The following AMZ1 variants were observed in gnomAD, a reference collection of about 807,000 sequenced individuals.
The protein encoded by AMZ1 is archaelysin family metallopeptidase 1.
A neutral mutation model predicts 29.9 loss-of-function variants in AMZ1; 39 were observed. That is an observed-to-expected ratio of 1.30 (90% confidence interval 1.01 to 1.70). The LOEUF is 1.70. Among genes scored for constraint, AMZ1 ranks in the 40% most tolerant of loss-of-function variants. AMZ1 has a pLI of 0.00. For synonymous variants in AMZ1, 458 were observed against 304.0 expected (o/e 1.51, Z -5.27); for missense variants, 1,041 against 680.6 (o/e 1.53, Z -5.89).
Position 2,712,676 on chromosome 7 carries a change from G to C in AMZ1, c.1295G>C (p.Arg432Thr). Residue 432 changes from arginine to threonine, a missense_variant, in exon 7 of 7, where the codon AGA becomes ACA. Coordinates refer to ENST00000683327, the MANE Select transcript of AMZ1 (RefSeq NM_001384743.1). ...VAEEDLVQVD[R>T]AVDALDRWEM... is the part of the protein sequence containing the mutation. ...GAGGAGGACCTGGTGCAGGTGGACA[G>C]AGCCGTGGACGCCCTCGACCGCTGG... The C allele has an allele frequency of 6.2e-7, 1 of 1,612,974 alleles. No individual in the cohort carries two copies.
intron 4 of AMZ1, among the ~76,000 whole-genome samples, chr7:2,758,793 A>C (rs1324806036): frequency 6.6e-6 from 1 of 152,288 alleles, no homozygotes; most frequent in East Asian, 1.9e-4. Flanking sequence ...CAGTTTACTC[A>C]TCTAATAGAA....
chr7:2,762,622 A>G, upstream of AMZ1: 4 of 1,554,726 alleles, frequency 2.6e-6, no homozygotes, highest in Non-Finnish European at 3.5e-6. Flanking sequence ...TCCGGATAAG[A>G]CCCCAATGCC....
intron 4 of AMZ1, chr7:2,729,817 G>A (rs1407941520): frequency 2.6e-5 from 4 of 152,436 alleles, no homozygotes; most frequent in Non-Finnish European, 4.4e-5. Context: ...GTGATACACA[G>A]AGGGGACCAG....
At chr7:2,684,798 T>C (rs1179740621), upstream of AMZ1, among the ~76,000 whole-genome samples, 1 of 151,682 alleles carries the variant, frequency 6.6e-6, no homozygotes, top group Non-Finnish European at 1.5e-5. Context: ...GCCCTACTCA[T>C]CTGGGCTTCC....
At chr7:2,710,682 C>G (rs963226090) in intron 6 of AMZ1, among the ~76,000 whole-genome samples, 1 of 152,244 alleles carries the variant, frequency 6.6e-6, no homozygotes, top group Non-Finnish European at 1.5e-5. Flanking sequence ...TGCAGGGATC[C>G]TCTCTGAAGA....
At chr7:2,743,612 A>G (rs1583223095) in intron 4 of AMZ1, among the ~76,000 whole-genome samples, 1 of 152,312 alleles carries the variant, frequency 6.6e-6, no homozygotes, top group East Asian at 1.9e-4. Context: ...AGCGTGAGCA[A>G]TGCAGAAGAC....
At chr7:2,751,800 A>C (rs1438515188) in intron 4 of AMZ1, among the ~76,000 whole-genome samples, 2 of 152,248 alleles carry the variant, frequency 1.3e-5, no homozygotes, top group African/African-American at 2.4e-5. Context: ...TTAATTTCCC[A>C]AAACGGATAC....
chr7:2,712,246 C>T, intron 6 of AMZ1, 84 bp from the exon 7 acceptor site: 1 of 1,414,808 alleles, frequency 7.1e-7, no homozygotes, highest in East Asian at 2.5e-5. Context: ...GTGGGGTCCC[C>T]TTAGGTAAGG....
In AMZ1 at chr7:2,703,747, C is replaced by G. The variant is rs1316833166; in HGVS notation, c.472+858C>G. Reference sequence around the variant, plus strand: ...TGTCAGTTATCACCTCTGCCCCATTCTCTTCTCTCCTATGACTCCAACTGA... The same window carrying G: ...TGTCAGTTATCACCTCTGCCCCATTGTCTTCTCTCCTATGACTCCAACTGA... On this transcript the variant is annotated intron_variant, in intron 3 of 6. Coordinates refer to ENST00000683327, the MANE Select transcript of AMZ1 (RefSeq NM_001384743.1). Among the ~76,000 whole-genome samples the G allele has an allele frequency of 2.6e-5, 4 of 152,226 alleles. No homozygotes were observed. The East Asian group carries it at 7.7e-4, about 29-fold the overall frequency.
intron 1 of AMZ1, among the ~76,000 whole-genome samples, chr7:2,692,458 C>A (rs912848503): frequency 2.0e-5 from 3 of 152,290 alleles, no homozygotes; most frequent in Non-Finnish European, 4.4e-5. Flanking sequence ...AGGAGAATCG[C>A]TTTAACCCGG....
chr7:2,726,492 T>C (rs1196057058), intron 4 of AMZ1, among the ~76,000 whole-genome samples: 2 of 152,212 alleles, frequency 1.3e-5, no homozygotes, highest in Admixed American at 1.3e-4. Context: ...CCTCAGGTGA[T>C]TCGACTGTGT....
At chr7:2,722,947 C>T (rs1353807008), downstream of AMZ1, among the ~76,000 whole-genome samples, 1 of 151,976 alleles carries the variant, frequency 6.6e-6, no homozygotes, top group Non-Finnish European at 1.5e-5. Flanking sequence ...CCACTGCACT[C>T]CAGCCTGGGC....
intron 1 of AMZ1, among the ~76,000 whole-genome samples, chr7:2,693,459 A>C (rs1313622581): frequency 6.6e-6 from 1 of 152,172 alleles, no homozygotes; most frequent in Non-Finnish European, 1.5e-5. Flanking sequence ...AGCTCACTGC[A>C]GCCTTGGACT....
chr7:2,709,211 C>T lies in AMZ1; in HGVS notation c.738C>T (p.Cys246=). The change falls in exon 5 of 7, where the codon TGC becomes TGT. Residue 246 remains cysteine, a synonymous_variant. Coordinates refer to ENST00000683327, the MANE Select transcript of AMZ1 (RefSeq NM_001384743.1). ...APLQDRGWAL[C]FSALGMVQCC... is the part of the protein sequence containing the mutation. ...TGCAGGACAGGGGCTGGGCCCTGTG[C>T]TTCAGTGCCCTGGGGATGGTTCAGT... 6.6e-7 allele frequency: 1 copy of T among 1,511,926 alleles called. No individual in the cohort carries two copies. Among genetic ancestry groups the T allele is most frequent in the South Asian group, 1.3e-5 (1 of 75,240 alleles). The allele number at this position is 1,511,926 out of a possible 1,614,324, so 93.7% of individuals were successfully genotyped here. A position where few individuals can be genotyped will look rare whatever the true frequency, so the allele number is the denominator to read the frequency against.
intron 3 of AMZ1, among the ~76,000 whole-genome samples, chr7:2,706,988 C>T (rs776776479): frequency 6.6e-6 from 1 of 152,174 alleles, no homozygotes; most frequent in Non-Finnish European, 1.5e-5. Flanking sequence ...CAAAAACAAA[C>T]ACAGGGCCAG....
At chr7:2,689,899 C>T (rs551632269) in intron 1 of AMZ1, among the ~76,000 whole-genome samples, 1 of 152,158 alleles carries the variant, frequency 6.6e-6, no homozygotes, top group Non-Finnish European at 1.5e-5. Flanking sequence ...TGGGTACCCC[C>T]AGGGCTCACA....
At chr7:2,706,437 C>T (rs1466636126) in intron 3 of AMZ1, among the ~76,000 whole-genome samples, 1 of 152,218 alleles carries the variant, frequency 6.6e-6, no homozygotes. Context: ...CAAAGTACCA[C>T]AAACTGAGTG....
chr7:2,758,490 C>A (rs1454201607), intron 4 of AMZ1, among the ~76,000 whole-genome samples: 1 of 152,156 alleles, frequency 6.6e-6, no homozygotes, highest in South Asian at 2.1e-4. Context: ...GCAATTTCTT[C>A]CCCTGCAGCG....
chr7:2,703,777 A>ATAT (rs2115122807), intron 3 of AMZ1, among the ~76,000 whole-genome samples: 1 of 152,350 alleles, frequency 6.6e-6, no homozygotes, highest in South Asian at 2.1e-4. Context: ...AACTGAATGT[A>ATAT]TATTAATCCA....
Sources: allele counts gnomAD v4.1 joint callset (sites outside exome capture counted in the v4.1 genomes callset), GRCh38; gene constraint gnomAD v4.1.1; transcripts MANE v1.5; gene names NCBI Gene and HGNC (gene_info 2026-07-23, HGNC 2026-07-21).